Variants in DOCK3 observed in about 807,000 individuals in gnomAD.
The protein encoded by DOCK3 is dedicator of cytokinesis 3.
DOCK3 carries 60 observed loss-of-function variants against 265.6 expected under a neutral mutation model. That is an observed-to-expected ratio of 0.23 (90% CI 0.18 to 0.28). The LOEUF (loss-of-function observed/expected upper bound fraction) is 0.28, where lower values mean the gene tolerates loss of function less well. Ranked by LOEUF, DOCK3 falls within the 10% of genes least tolerant of loss-of-function variation. The probability of loss-of-function intolerance (pLI) is 1.00; values close to 1 mark genes in which losing one functional copy is unlikely to be tolerated. For missense variants in DOCK3, 1,981 were observed against 2,594.3 expected, an observed-to-expected ratio of 0.76 and a Z score of 5.14; for synonymous variants, 881 against 938.0, an observed-to-expected ratio of 0.94 and a Z score of 1.11.
At chr3:51,380,534 C>T (rs889190662) in intron 52 of DOCK3, among the ~76,000 whole-genome samples, 3 of 152,234 alleles carry the variant, frequency 2.0e-5, no homozygotes, top group East Asian at 1.9e-4. Flanking sequence ...GCTAGCTAAA[C>T]AAATGTTCCT....
intron 3 of DOCK3, among the ~76,000 whole-genome samples, chr3:50,865,519 A>G (rs2047099459): frequency 6.6e-6 from 1 of 152,220 alleles, no homozygotes; most frequent in African/African-American, 2.4e-5. Context: ...TCCATTGTAT[A>G]TGTGTACCAC....
chr3:50,743,964 A>G (rs1390542128), intron 1 of DOCK3, among the ~76,000 whole-genome samples: 1 of 152,200 alleles, frequency 6.6e-6, no homozygotes, highest in Non-Finnish European at 1.5e-5. Context: ...TCTATTTTTT[A>G]AAAAGAAAAT....
At chr3:51,129,021 T>C (rs992583032) in intron 9 of DOCK3, among the ~76,000 whole-genome samples, 3 of 152,254 alleles carry the variant, frequency 2.0e-5, no homozygotes, top group Non-Finnish European at 4.4e-5. Context: ...AGTTTCTGAC[T>C]ACTCAGAGAG....
chr3:51,089,898 CAAAAAAAAAAAA>C (rs1166631932), intron 8 of DOCK3, among the ~76,000 whole-genome samples: 2 of 42,308 alleles, frequency 4.7e-5, no homozygotes, highest in East Asian at 6.9e-4. Context: ...GACTCTGTCT[CAAAAAAAAAAAA>C]AAAAAAAAAA....
intron 2 of DOCK3, chr3:50,786,557 A>T: frequency 2.1e-6 from 1 of 483,652 alleles, no homozygotes; most frequent in Non-Finnish European, 4.0e-6. Flanking sequence ...AAGGAGATGG[A>T]TGTTAATGAT....
intron 10 of DOCK3, among the ~76,000 whole-genome samples, chr3:51,148,940 G>T (rs573039900): frequency 6.6e-6 from 1 of 152,166 alleles, no homozygotes; most frequent in Non-Finnish European, 1.5e-5. Flanking sequence ...GGGCAATACG[G>T]CCATTTTCAC....
intron 5 of DOCK3, among the ~76,000 whole-genome samples, chr3:50,934,566 C>A (rs900430383): frequency 6.6e-6 from 1 of 152,080 alleles, no homozygotes; most frequent in African/African-American, 2.4e-5. Flanking sequence ...ATGGCTCACA[C>A]CTGTAATCCC....
At chr3:51,002,095 A>G (rs756763300) in intron 5 of DOCK3, among the ~76,000 whole-genome samples, 24 of 151,838 alleles carry the variant, frequency 1.6e-4, no homozygotes, top group Non-Finnish European at 2.8e-4. Flanking sequence ...ATAGGCACAT[A>G]TGACCATGCC....
chr3:51,336,476 A>G (rs1166272199), intron 35 of DOCK3, among the ~76,000 whole-genome samples: 3 of 152,144 alleles, frequency 2.0e-5, no homozygotes, highest in Admixed American at 1.3e-4. Context: ...TCAGGTTGCA[A>G]TGAGGGCTTC....
intron 12 of DOCK3, among the ~76,000 whole-genome samples, chr3:51,179,133 A>G (rs2087135853): frequency 6.6e-6 from 1 of 152,228 alleles, no homozygotes; most frequent in South Asian, 2.1e-4. Flanking sequence ...AGCTGTAAAC[A>G]CATTTTTTTG....
intron 27 of DOCK3, among the ~76,000 whole-genome samples, chr3:51,283,946 A>G (rs564079753): frequency 6.6e-6 from 1 of 152,288 alleles, no homozygotes; most frequent in East Asian, 1.9e-4. Flanking sequence ...GAAGGGGTGT[A>G]TAACTACTTG....
intron 5 of DOCK3, 110 bp downstream of exon 5, chr3:50,934,187 C>G: frequency 1.3e-6 from 1 of 766,350 alleles, no homozygotes; most frequent in Non-Finnish European, 2.0e-6. Flanking sequence ...TGCAGTTTAT[C>G]AAACATATGT....
chr3:51,053,525 CA>C (rs2081085872), intron 5 of DOCK3, among the ~76,000 whole-genome samples: 1 of 151,556 alleles, frequency 6.6e-6, no homozygotes, highest in African/African-American at 2.4e-5. Context: ...AGGTTCACAC[CA>C]TTCTCCTGCC....
intron 3 of DOCK3, among the ~76,000 whole-genome samples, chr3:50,869,891 A>G (rs2047354458): frequency 6.6e-6 from 1 of 152,198 alleles, no homozygotes; most frequent in Non-Finnish European, 1.5e-5. Flanking sequence ...CTGGTCATTC[A>G]AGAGCATGTT....
chr3:51,377,311 C>T (rs1262698677), intron 51 of DOCK3, among the ~76,000 whole-genome samples: 1 of 152,280 alleles, frequency 6.6e-6, no homozygotes, highest in African/African-American at 2.4e-5. Context: ...TGGCAACACA[C>T]AGGCCAGAGC....
intron 32 of DOCK3, among the ~76,000 whole-genome samples, chr3:51,323,047 A>G (rs1220372941): frequency 6.6e-6 from 1 of 152,314 alleles, no homozygotes; most frequent in East Asian, 1.9e-4. Flanking sequence ...CAAAAGAGAC[A>G]AAGAACTGCA....
rs771632877 is a variant in DOCK3 at position 51,229,528 on chromosome 3, G to C, written c.1836G>C (p.Leu612=). 2 of 1,606,462 alleles carry C rather than the reference G, an allele frequency of 1.2e-6. No individual in the cohort carries two copies. The highest frequency in any genetic ancestry group is 1.7e-6 in the Non-Finnish European group (2 of 1,176,376). ...GCTTTCTAGTGGACCTCCTAGCTCT[G>C]CTGAAGTGGAAAGCCTTCCCCGACC... is the stretch of plus-strand genomic sequence containing the variant. ...KLTQNVDLLA[L]LKWKAFPDRI... The change falls in exon 19 of 53, where the codon CTG becomes CTC. Residue 612 remains leucine, a synonymous_variant. Transcript: ENST00000266037.
rs1287279960 is a variant in DOCK3, at chr3:51,208,793, T to C, written c.1057T>C (p.Trp353Arg). The C allele has an allele frequency of 6.2e-7, 1 of 1,610,914 alleles. No individual in the cohort carries two copies. The highest frequency in any genetic ancestry group is 2.2e-5 in the East Asian group (1 of 44,800). The change falls in exon 13 of 53, where the codon TGG (tryptophan) becomes CGG (arginine). Residue 353 changes from tryptophan (W) to arginine (R), a missense_variant. Trp to Arg is a moderately radical substitution (Grantham distance 101, BLOSUM62 -3). Transcript: ENST00000266037. ...TTACAGGTGCAACAACGAGAGTGAGTGGTCCCAGATCCACGAGAACATCAT... is the reference window on the plus strand; with the variant it reads ...TTACAGGTGCAACAACGAGAGTGAGCGGTCCCAGATCCACGAGAACATCAT... ...KVYTCNNESEWSQIHENIIRK... is the reference protein window; with the variant it reads ...KVYTCNNESERSQIHENIIRK...
intron 1 of DOCK3, among the ~76,000 whole-genome samples, chr3:50,752,885 A>C (rs922438461): frequency 6.6e-6 from 1 of 152,200 alleles, no homozygotes; most frequent in Admixed American, 6.5e-5. Flanking sequence ...TCCCTCCCGT[A>C]CTTTGTGCTA....
Sources: gnomAD v4.1 joint callset for allele counts (sites outside exome capture counted in the v4.1 genomes callset) on GRCh38, gnomAD v4.1.1 for gene constraint, MANE v1.5 for transcripts, NCBI Gene and HGNC (gene_info 2026-07-23, HGNC 2026-07-21) for gene names.